Variants in DAB1 observed in about 807,000 individuals in gnomAD.
DAB1 encodes the protein disabled homolog 1.
Under a neutral mutation model 64.6 loss-of-function variants are expected in DAB1, and 15 were observed. The observed-to-expected ratio is 0.23, with a 90% CI of 0.16 to 0.36. The LOEUF is 0.36. Among genes scored for constraint, DAB1 ranks in the 10% least tolerant of loss-of-function variants. The pLI, the probability that DAB1 is intolerant of heterozygous loss-of-function variation, is 1.00. For synonymous variants in DAB1, 235 were observed against 251.9 expected, an observed-to-expected ratio of 0.93 and a Z score of 0.64; for missense variants, 596 against 706.7, an observed-to-expected ratio of 0.84 and a Z score of 1.78.
chr1:57,646,219 A>T (rs1452122727), intron 7 of DAB1, among the ~76,000 whole-genome samples: 2 of 152,228 alleles, frequency 1.3e-5, no homozygotes, highest in Non-Finnish European at 2.9e-5. Context: ...AAGACTTTCA[A>T]GTAATTCTAA....
intron 5 of DAB1, among the ~76,000 whole-genome samples, chr1:58,091,212 G>T (rs939894711): frequency 6.6e-6 from 1 of 152,060 alleles, no homozygotes; most frequent in Non-Finnish European, 1.5e-5. Flanking sequence ...ACTCTGTTTC[G>T]TTAGTTTTAT....
intron 3 of DAB1, among the ~76,000 whole-genome samples, chr1:58,496,434 T>C (rs1290482843): frequency 2.6e-5 from 4 of 152,224 alleles, no homozygotes; most frequent in Non-Finnish European, 4.4e-5. Flanking sequence ...ACTGCTTCTA[T>C]GTTCTTGCCG....
intron 5 of DAB1, among the ~76,000 whole-genome samples, chr1:58,068,089 T>C (rs1488781573): frequency 6.6e-6 from 1 of 152,218 alleles, no homozygotes; most frequent in Non-Finnish European, 1.5e-5. Context: ...AAGTTTTCTA[T>C]GTGAGACTCC....
chr1:58,435,202 C>A (rs1015579182), intron 3 of DAB1, among the ~76,000 whole-genome samples: 1 of 152,162 alleles, frequency 6.6e-6, no homozygotes, highest in Non-Finnish European at 1.5e-5. Flanking sequence ...CCATATCTAG[C>A]AATGGCTGCA....
At chr1:58,416,877 C>G (rs1644726343) in intron 3 of DAB1, among the ~76,000 whole-genome samples, 1 of 151,960 alleles carries the variant, frequency 6.6e-6, no homozygotes, top group Admixed American at 6.6e-5. Context: ...AAACATCAGA[C>G]TGTAAAATAC....
chr1:57,683,515 T>C (rs1646661125), intron 6 of DAB1, among the ~76,000 whole-genome samples: 1 of 152,152 alleles, frequency 6.6e-6, no homozygotes, highest in African/African-American at 2.4e-5. Flanking sequence ...CAGCCCAAAC[T>C]ACAACACCAA....
At chr1:57,637,059 G>A (rs773994473) in intron 7 of DAB1, among the ~76,000 whole-genome samples, 1 of 152,020 alleles carries the variant, frequency 6.6e-6, no homozygotes. Context: ...TTTTTTTATA[G>A]CAATCTCACA....
intron 5 of DAB1, among the ~76,000 whole-genome samples, chr1:58,112,453 C>A (rs546220899): frequency 6.6e-6 from 1 of 152,290 alleles, no homozygotes; most frequent in Non-Finnish European, 1.5e-5. Context: ...AAAGCAGAGA[C>A]TATGTTTTAT....
chr1:58,159,418 A>T (rs1655394229), intron 4 of DAB1, among the ~76,000 whole-genome samples: 2 of 152,234 alleles, frequency 1.3e-5, no homozygotes, highest in African/African-American at 4.8e-5. Context: ...GCCCAAGAAC[A>T]GGCAAAACAA....
At chr1:57,364,732 ATC>A (rs1199237593) in intron 1 of DAB1, among the ~76,000 whole-genome samples, 1 of 151,914 alleles carries the variant, frequency 6.6e-6, no homozygotes, top group East Asian at 1.9e-4. Context: ...ATATCAAGAA[ATC>A]TTGAAAATAC....
At position 57,148,664 on chromosome 1, in the gene DAB1, C is replaced by T. The variant is rs74074210; in HGVS notation, c.68-3235G>A. On this transcript the variant is annotated intron_variant, in intron 2 of 14. Coordinates refer to ENST00000371236, the MANE Select transcript of DAB1 (RefSeq NM_001365792.1). ...GACCACACGTTTAAGGAAAATCACC[C>T]ATATGGTCACTGTTATTGAGTTTTT... is the stretch of plus-strand genomic sequence containing the variant. Among the ~76,000 whole-genome samples the T allele has an allele frequency of 3.9e-3, 587 of 152,280 alleles. 4 individuals are homozygous for T. The highest frequency in any genetic ancestry group is 0.013 in the African/African-American group (560 of 41,550).
chr1:58,120,398 A>T (rs182368008), intron 5 of DAB1, among the ~76,000 whole-genome samples: 40 of 152,304 alleles, frequency 2.6e-4, no homozygotes, highest in Admixed American at 9.8e-4. Context: ...AGAAAGCATG[A>T]GTTTGGAATA....
chr1:57,846,841 G>A (rs892152039), intron 1 of DAB1, among the ~76,000 whole-genome samples: 8 of 152,286 alleles, frequency 5.3e-5, no homozygotes, highest in East Asian at 1.9e-4. Flanking sequence ...ACACAGACAC[G>A]CAAACAATCT....
chr1:57,008,154 T>A (rs908623932), intron 14 of DAB1, among the ~76,000 whole-genome samples: 2 of 152,244 alleles, frequency 1.3e-5, no homozygotes, highest in African/African-American at 2.4e-5. Flanking sequence ...CATGTGATTC[T>A]AAGACAGCCC....
chr1:58,294,511 G>A (rs1005408200), intron 4 of DAB1, among the ~76,000 whole-genome samples: 2 of 152,038 alleles, frequency 1.3e-5, no homozygotes, highest in Non-Finnish European at 2.9e-5. Context: ...CAGATACTAT[G>A]CACAGTCTTA....
At chr1:58,283,139 C>A (rs1009238306) in intron 4 of DAB1, among the ~76,000 whole-genome samples, 1 of 152,048 alleles carries the variant, frequency 6.6e-6, no homozygotes, top group African/African-American at 2.4e-5. Flanking sequence ...TTCCCCACCC[C>A]CCAAGCCCCA....
At position 57,499,548 on chromosome 1, in the gene DAB1, G is replaced by A. The variant is rs191250523; in HGVS notation, n.625+150044C>T. 2.9e-4 allele frequency among the ~76,000 whole-genome samples: 44 copies of A among 152,276 alleles called. No homozygotes were observed. The East Asian group carries it at 5.8e-3, about 20-fold the overall frequency. On this transcript the variant is annotated intron_variant and non_coding_transcript_variant, in intron 7 of 20. Coordinates refer to the DAB1 transcript ENST00000485760. ...CCACCGAAGTGACCCTGCCGTGCAGGTATAAACACCATGGAAAAGATTGGT... is the reference window on the plus strand; with the variant it reads ...CCACCGAAGTGACCCTGCCGTGCAGATATAAACACCATGGAAAAGATTGGT...
rs184326640 is a variant in DAB1 at position 56,999,045 on chromosome 1, C to A, written c.*16-917G>T. On this transcript the variant is annotated intron_variant, in intron 14 of 14. Transcript: ENST00000371236. ...CTTGGAGGTCTGTGCCAGAATTAAA[C>A]GGGCACAATGAAATCCTAATTTTAC... is the stretch of plus-strand genomic sequence containing the variant. Among the ~76,000 whole-genome samples the A allele has an allele frequency of 2.0e-5, 3 of 152,140 alleles. No individual in the cohort carries two copies. The South Asian group carries it at 6.2e-4, about 32-fold the overall frequency.
At chr1:57,966,010 A>G (rs72922523) in intron 5 of DAB1, among the ~76,000 whole-genome samples, 5,774 of 152,262 alleles carry the variant, frequency 0.038, 200 homozygotes, top group East Asian at 0.12. Context: ...AGAAAGAGTT[A>G]GCATCTTGCC....
Sources: allele counts gnomAD v4.1 joint callset (sites outside exome capture counted in the v4.1 genomes callset), GRCh38; gene constraint gnomAD v4.1.1; transcripts MANE v1.5; gene names NCBI Gene and HGNC (gene_info 2026-07-23, HGNC 2026-07-21).